The following RORA variants were observed in gnomAD, a reference collection of about 807,000 sequenced individuals.
The protein encoded by RORA is nuclear receptor ROR-alpha.
In RORA, 7 loss-of-function variants were observed where a neutral mutation model predicts 69.5. The ratio of observed to expected loss-of-function variants is 0.10; its 90% CI spans 0.06 to 0.19. The LOEUF (loss-of-function observed/expected upper bound fraction) is 0.19. Ranked by LOEUF, RORA falls within the 10% of genes least tolerant of loss-of-function variation. The pLI, the probability that RORA is intolerant of heterozygous loss-of-function variation, is 1.00. For missense variants in RORA, 457 were observed against 663.0 expected (o/e 0.69, Z 3.41); for synonymous variants, 261 against 240.8 (o/e 1.08, Z -0.78).
intron 1 of RORA, among the ~76,000 whole-genome samples, chr15:60,969,340 A>G (rs1281975348): frequency 6.6e-6 from 1 of 152,204 alleles, no homozygotes; most frequent in Non-Finnish European, 1.5e-5. Context: ...TTTGTATATT[A>G]GGTTATAATC....
At chr15:61,119,429 T>C (rs12907631) in intron 1 of RORA, among the ~76,000 whole-genome samples, 93 of 149,922 alleles carry the variant, frequency 6.2e-4, no homozygotes, top group African/African-American at 1.5e-3. Context: ...TATATATATA[T>C]ACACACACAC....
At chr15:61,146,575 A>C (rs1301637880) in intron 1 of RORA, among the ~76,000 whole-genome samples, 1 of 152,172 alleles carries the variant, frequency 6.6e-6, no homozygotes, top group East Asian at 1.9e-4. Context: ...GTGCATTTAC[A>C]TAATTGATTC....
intron 1 of RORA, among the ~76,000 whole-genome samples, chr15:60,885,528 G>A (rs1008403193): frequency 9.2e-5 from 14 of 152,202 alleles, no homozygotes; most frequent in African/African-American, 3.4e-4. Flanking sequence ...AAATGGTTGC[G>A]GCTTTGGCTA....
intron 1 of RORA, among the ~76,000 whole-genome samples, chr15:60,947,356 C>A (rs1448586794): frequency 6.6e-6 from 1 of 152,174 alleles, no homozygotes; most frequent in African/African-American, 2.4e-5. Context: ...GGGAAAAATT[C>A]TTCTGCCTTG....
intron 1 of RORA, among the ~76,000 whole-genome samples, chr15:61,096,857 C>G (rs139117413): frequency 6.6e-6 from 1 of 152,366 alleles, no homozygotes; most frequent in Non-Finnish European, 1.5e-5. Context: ...ATCAGCTTCT[C>G]TCTGGTGCAG....
rs182837652 is a variant in RORA at position 60,816,080 on chromosome 15, A to T, written c.167-137394T>A. ...TGTATTTATATACTATAAACAGTATATGTATACTGTAAACAGTATATGTAT... is the reference window on the plus strand; with the variant it reads ...TGTATTTATATACTATAAACAGTATTTGTATACTGTAAACAGTATATGTAT... On this transcript the variant is annotated intron_variant, in intron 1 of 10. Transcript: ENST00000335670. Among the ~76,000 whole-genome samples the T allele has an allele frequency of 5.2e-4, 60 of 115,950 alleles. 8 individuals are homozygous for T. Among genetic ancestry groups the T allele is most frequent in the African/African-American group, 8.9e-4 (25 of 28,186 alleles). The allele number at this position is 115,950 out of a possible 152,430, so 76.1% of individuals were successfully genotyped here.
At chr15:60,882,332 T>C (rs182812282) in intron 1 of RORA, among the ~76,000 whole-genome samples, 1 of 152,294 alleles carries the variant, frequency 6.6e-6, no homozygotes, top group African/African-American at 2.4e-5. Context: ...TGACCTCTAA[T>C]GGGCAGAGGT....
chr15:60,878,627 G>T (rs2073646150), intron 1 of RORA, among the ~76,000 whole-genome samples: 1 of 152,174 alleles, frequency 6.6e-6, no homozygotes, highest in African/African-American at 2.4e-5. Flanking sequence ...CTGCTCCTCT[G>T]CTAGTACTTT....
At chr15:60,976,661 G>A (rs1358162435) in intron 1 of RORA, among the ~76,000 whole-genome samples, 1 of 152,134 alleles carries the variant, frequency 6.6e-6, no homozygotes, top group Admixed American at 6.5e-5. Flanking sequence ...AAAAGACAGG[G>A]AAGGTGCTAA....
chr15:60,543,998 G>C (rs1231511116), intron 2 of RORA, among the ~76,000 whole-genome samples: 1 of 152,154 alleles, frequency 6.6e-6, no homozygotes, highest in Non-Finnish European at 1.5e-5. Flanking sequence ...TTGGAGAGGT[G>C]GTAAGTGGAG....
chr15:61,100,843 G>C (rs539620119), intron 1 of RORA, among the ~76,000 whole-genome samples: 1 of 152,116 alleles, frequency 6.6e-6, no homozygotes, highest in Non-Finnish European at 1.5e-5. Context: ...TCACATCCCC[G>C]GTATGTTGAT....
intron 5 of RORA, among the ~76,000 whole-genome samples, chr15:60,508,693 G>A (rs1211676629): frequency 6.6e-6 from 1 of 152,142 alleles, no homozygotes. Context: ...ACTACAGCTC[G>A]CAGATGTTAC....
chr15:60,655,611 G>A (rs1050972188), intron 2 of RORA, among the ~76,000 whole-genome samples: 5 of 152,290 alleles, frequency 3.3e-5, no homozygotes, highest in African/African-American at 9.6e-5. Flanking sequence ...CATTCAGAGC[G>A]TGTGACCCCT....
intron 1 of RORA, among the ~76,000 whole-genome samples, chr15:60,937,929 T>C (rs1217327777): frequency 2.0e-5 from 3 of 152,236 alleles, no homozygotes; most frequent in Non-Finnish European, 4.4e-5. Context: ...CTAATATTTC[T>C]TTTCTTTTTT....
intron 1 of RORA, chr15:61,175,921 T>C (rs1007598636): frequency 5.3e-5 from 8 of 152,084 alleles, no homozygotes; most frequent in African/African-American, 1.9e-4. Context: ...AATGAGGGCA[T>C]ACACAATGAA....
intron 7 of RORA, among the ~76,000 whole-genome samples, chr15:60,503,318 A>G (rs575624233): frequency 2.0e-5 from 3 of 152,304 alleles, no homozygotes; most frequent in African/African-American, 7.2e-5. Context: ...TGACCTTCAA[A>G]TTAATCTTTT....
intron 1 of RORA, among the ~76,000 whole-genome samples, chr15:61,000,805 C>T (rs1413520917): frequency 6.6e-6 from 1 of 152,060 alleles, no homozygotes; most frequent in Non-Finnish European, 1.5e-5. Flanking sequence ...GCAAGCAAAG[C>T]GGGAAGTGAT....
At chr15:60,504,339 G>C (rs1452489609) in intron 6 of RORA, among the ~76,000 whole-genome samples, 1 of 151,630 alleles carries the variant, frequency 6.6e-6, no homozygotes, top group African/African-American at 2.4e-5. Flanking sequence ...TTGAGGTCTG[G>C]AGTTCAAGAC....
At chr15:61,092,284 A>C (rs1016229092) in intron 1 of RORA, among the ~76,000 whole-genome samples, 1 of 152,242 alleles carries the variant, frequency 6.6e-6, no homozygotes, top group Non-Finnish European at 1.5e-5. Context: ...TGTTCAAAAA[A>C]ATGTGAAATA....
Sources: gnomAD v4.1 joint callset for allele counts (sites outside exome capture counted in the v4.1 genomes callset) on GRCh38, gnomAD v4.1.1 for gene constraint, MANE v1.5 for transcripts, NCBI Gene and HGNC (gene_info 2026-07-23, HGNC 2026-07-21) for gene names.